PDHB: variants seen among roughly 807,000 people sequenced by gnomAD.
PDHB encodes the protein pyruvate dehydrogenase E1 component subunit beta, mitochondrial.
PDHB carries 17 observed loss-of-function variants against 42.8 expected under a neutral mutation model. The observed-to-expected ratio is 0.40, with a 90% CI of 0.27 to 0.60. The LOEUF is 0.60. PDHB is among the 20% of genes least tolerant of loss of function. The pLI, the probability that PDHB is intolerant of heterozygous loss-of-function variation, is 0.46. For synonymous variants in PDHB, 154 were observed against 148.7 expected, an observed-to-expected ratio of 1.04 and a Z score of -0.26; for missense variants, 322 against 451.3, an observed-to-expected ratio of 0.71 and a Z score of 2.60.
chr3:58,428,321 A>G (rs1475489256), intron 9 of PDHB, 142 bp from the exon 10 acceptor site: 1 of 1,229,676 alleles, frequency 8.1e-7, no homozygotes, highest in Non-Finnish European at 1.2e-6. Flanking sequence ...GCTTTTAAAA[A>G]TATCTGCCTG....
At chr3:58,432,715 C>G (rs1576958701) in intron 2 of PDHB, 1 of 147,546 alleles carries the variant, frequency 6.8e-6, no homozygotes, top group African/African-American at 2.5e-5. Flanking sequence ...AAGAAAATGT[C>G]GGGCTGAGCG....
chr3:58,429,859 G>A (rs1454602597), intron 7 of PDHB, 60 bp from the exon 8 acceptor site: 6 of 995,640 alleles, frequency 6.0e-6, no homozygotes, highest in South Asian at 1.3e-5. Context: ...CTACACCACT[G>A]TGCCGCCAGC....
Position 58,428,079 on chromosome 3 carries a change from C to T in PDHB, c.1035G>A (p.Gln345=), listed in dbSNP as rs987571203. 9 of 1,610,122 alleles carry T rather than the reference C, an allele frequency of 5.6e-6. No homozygotes were observed. Among genetic ancestry groups the T allele is most frequent in the Non-Finnish European group, 7.7e-6 (9 of 1,176,416 alleles). Residue 345 remains glutamine, a synonymous_variant, in exon 10 of 10, where the codon CAG becomes CAA. Transcript: ENST00000302746. Reference sequence around the variant, plus strand: ...TTATTGCAAATATGATGTCTTTGACCTGAGGTATAGAGTTGTCCTCTAGAA... The same window carrying T: ...TTATTGCAAATATGATGTCTTTGACTTGAGGTATAGAGTTGTCCTCTAGAA... The part of the protein sequence containing the change: ...AKILEDNSIP[Q]VKDIIFAIKK...
chr3:58,433,545 C>G, intron 2 of PDHB, 86 bp downstream of exon 2: 1 of 1,440,878 alleles, frequency 6.9e-7, no homozygotes, highest in Non-Finnish European at 9.5e-7. Context: ...GCCGGAAGGC[C>G]ACAGCGCAGG....
rs1458982933 is a variant in PDHB, at chr3:58,433,643, C to A, written c.84G>T (p.Pro28=). Residue 28 remains proline (P), a synonymous_variant, in exon 2 of 10, where the codon CCG becomes CCT. Coordinates refer to ENST00000302746, the MANE Select transcript of PDHB (RefSeq NM_000925.4). ...LLKRRFHWTA[P]AALQVTVRDA... ...CCGCGCCTGTTACCTGCAGCGCAGC[C>A]GGCGCGGTCCAGTGAAAGCGCCTCT... is the stretch of plus-strand genomic sequence containing the variant. The A allele has an allele frequency of 2.5e-6, 4 of 1,611,564 alleles. No homozygotes were observed. The South Asian group carries it at 3.3e-5, about 13-fold the overall frequency.
At chr3:58,432,489 G>C in intron 2 of PDHB, 1 of 185,578 alleles carries the variant, frequency 5.4e-6, no homozygotes. Flanking sequence ...TTGAGGTCAG[G>C]AGTTCGAGAC....
chr3:58,433,195 G>C, intron 2 of PDHB: 1 of 247,430 alleles, frequency 4.0e-6, no homozygotes. Flanking sequence ...CAGGGGTTTG[G>C]GGAAGGGAAA....
rs150167131 is a variant in PDHB at position 58,431,782 on chromosome 3, C to T, written c.216G>A (p.Gly72=). 7.4e-6 allele frequency: 12 copies of T among 1,613,610 alleles called. No homozygotes were observed. The highest frequency in any genetic ancestry group is 2.2e-5 in the East Asian group (1 of 44,884). ...QYDGAYKVSR[G]LWKKYGDKRI... ...TCTTGTCTCCATATTTCTTCCACAG[C>T]CCTCGACTAACCTACAATTAAGAGT... The change falls in exon 4 of 10, where the codon GGG becomes GGA. Residue 72 remains glycine (G), a synonymous_variant. Transcript: ENST00000302746. This position sits in a 1 kb window ranked among gnomAD's most constrained non-coding sequence, Gnocchi z 4.4.
intron 7 of PDHB, 43 bp from the exon 8 acceptor site, chr3:58,429,842 G>T: frequency 8.7e-7 from 1 of 1,153,016 alleles, no homozygotes; most frequent in Non-Finnish European, 1.3e-6. Context: ...GGTTGAAACT[G>T]AAGATGCTAC....
At chr3:58,433,500 G>A (rs2062941973) in intron 2 of PDHB, 131 bp downstream of exon 2, 2 of 967,636 alleles carry the variant, frequency 2.1e-6, no homozygotes, top group African/African-American at 1.6e-5. Context: ...GAGCTCCACG[G>A]AGGATGCTGG....
At position 58,430,850 on chromosome 3, in the gene PDHB, G is replaced by A. The variant is rs2107939689; in HGVS notation, c.396C>T (p.Tyr132=). ...GCACAGGCTGAAGGCCACCAGACAT[G>A]TAGTAGGTCTTGGCAGCTGAGTTTA... ...QVINSAAKTY[Y]MSGGLQPVPI... Residue 132 remains tyrosine, a synonymous_variant, in exon 6 of 10, where the codon TAC becomes TAT. Transcript: ENST00000302746. The A allele has an allele frequency of 6.2e-7, 1 of 1,614,000 alleles. No individual in the cohort carries two copies. Among genetic ancestry groups the A allele is most frequent in the Non-Finnish European group, 8.5e-7 (1 of 1,179,836 alleles).
chr3:58,428,894 G>T (rs987768031), intron 8 of PDHB: 2 of 418,180 alleles, frequency 4.8e-6, no homozygotes, highest in African/African-American at 2.0e-5. Flanking sequence ...TGCTCTTGTT[G>T]TCCAGGCTGG....
chr3:58,431,924 C>G lies in PDHB; in HGVS notation c.157G>C (p.Val53Leu). The change falls in exon 3 of 10, where the codon GTA (valine) becomes CTA (leucine). Residue 53 changes from valine to leucine, a missense_variant. Val to Leu is a conservative substitution (Grantham distance 32, BLOSUM62 1). This residue lies in a region of PDHB where 56 missense variants were observed against 124.2 expected (regional missense o/e 0.45). Coordinates refer to ENST00000302746, the MANE Select transcript of PDHB (RefSeq NM_000925.4). The surrounding 1 kb of genome is among the most constrained non-coding windows in gnomAD (Gnocchi z 4.4). ...GCAACTTCTTCTCCAAGCAGAAATA[C>G]CTTCTCATCTCTTTCCAGCTCCTCA... Reference protein sequence around the residue: ...MDEELERDEKVFLLGEEVAQY... With the variant: ...MDEELERDEKLFLLGEEVAQY... 1 of 1,614,046 alleles carries G rather than the reference C, an allele frequency of 6.2e-7. No homozygotes were observed. The highest frequency in any genetic ancestry group is 8.5e-7 in the Non-Finnish European group (1 of 1,179,914).
Position 58,428,148 on chromosome 3 carries a change from A to G in PDHB, c.966T>C (p.Ala322=), listed in dbSNP as rs577477453. The G allele has an allele frequency of 1.9e-6, 3 of 1,614,052 alleles. No homozygotes were observed. The highest frequency in any genetic ancestry group is 2.2e-5 in the South Asian group (2 of 91,080). ...GGACATCAGCACCAGTGACACGAACAGCAGGAGCATCCAGGAAATTGAACG... is the reference window on the plus strand; with the variant it reads ...GGACATCAGCACCAGTGACACGAACGGCAGGAGCATCCAGGAAATTGAACG... The part of the protein sequence containing the change: ...GPAFNFLDAP[A]VRVTGADVPM... The change falls in exon 10 of 10, where the codon GCT becomes GCC. Residue 322 remains alanine (A), a synonymous_variant. Coordinates refer to ENST00000302746, the MANE Select transcript of PDHB (RefSeq NM_000925.4).
At chr3:58,428,767 G>A (rs2062895103) in intron 8 of PDHB, 153 bp from the exon 9 acceptor site, 1 of 670,178 alleles carries the variant, frequency 1.5e-6, no homozygotes, top group East Asian at 2.7e-5. Flanking sequence ...TGTACAAACT[G>A]TAAAAGGAAA....
At chr3:58,429,891 A>G (rs774300247) in intron 7 of PDHB, 92 bp from the exon 8 acceptor site, 1 of 837,694 alleles carries the variant, frequency 1.2e-6, no homozygotes, top group East Asian at 2.4e-5. Flanking sequence ...TTCATTCATA[A>G]AGTCTTCAAT....
In PDHB at chr3:58,428,029, C is replaced by T. The variant is rs1386862916; in HGVS notation, c.*5G>A. On this transcript the variant is annotated 3_prime_UTR_variant, in exon 10 of 10. Coordinates refer to ENST00000302746, the MANE Select transcript of PDHB (RefSeq NM_000925.4). ...AATTTCAACGACTTGATATTCAAGTCCAAACTAAATATTTAATGTTTTCTT... is the reference window on the plus strand; with the variant it reads ...AATTTCAACGACTTGATATTCAAGTTCAAACTAAATATTTAATGTTTTCTT... 1.3e-6 allele frequency: 2 copies of T among 1,598,670 alleles called. No individual in the cohort carries two copies. The highest frequency in any genetic ancestry group is 1.3e-5 in the African/African-American group (1 of 74,630).
chr3:58,431,005 A>C lies in PDHB; in HGVS notation c.304-63T>G. On this transcript the variant is annotated intron_variant, in intron 5 of 9. Transcript: ENST00000302746. The surrounding 1 kb of genome is among the most constrained non-coding windows in gnomAD (Gnocchi z 4.4). ...AACAGCAACAAACAGTAGCAAACAA[A>C]TCACTCCAAGTCTTCCAACATTCAA... 3 of 1,418,178 alleles carry C rather than the reference A, an allele frequency of 2.1e-6. No homozygotes were observed. The highest frequency in any genetic ancestry group is 3.0e-6 in the Non-Finnish European group (3 of 1,001,390). The allele number at this position is 1,418,178 out of a possible 1,614,324, so 87.8% of individuals were successfully genotyped here. A position where few individuals can be genotyped will look rare whatever the true frequency, so the allele number is the denominator to read the frequency against.
intron 8 of PDHB, among the ~76,000 whole-genome samples, chr3:58,429,453 G>C (rs1274991513): frequency 4.6e-5 from 7 of 151,624 alleles, no homozygotes; most frequent in Non-Finnish European, 8.8e-5. Flanking sequence ...TCTCTCTCGG[G>C]GGGTATCACT....
Sources: allele counts gnomAD v4.1 joint callset (sites outside exome capture counted in the v4.1 genomes callset), GRCh38; gene constraint gnomAD v4.1.1; regional missense constraint gnomAD v4.1.1; non-coding constraint Gnocchi (gnomAD v3.1); transcripts MANE v1.5; gene names NCBI Gene and HGNC (gene_info 2026-07-23, HGNC 2026-07-21).